The following MYO3B variants were observed in gnomAD, a reference collection of about 807,000 sequenced individuals.
MYO3B encodes the protein myosin-IIIb.
In MYO3B, 156 loss-of-function variants were observed where a neutral mutation model predicts 174.6. That is an observed-to-expected ratio of 0.89 (90% CI 0.78 to 1.02). MYO3B has a LOEUF of 1.02. Among genes scored for constraint, MYO3B ranks in the 50% least tolerant of loss-of-function variants. The probability of loss-of-function intolerance (pLI) is 0.00; values close to 1 mark genes in which losing one functional copy is unlikely to be tolerated. For missense variants in MYO3B, 1,632 were observed against 1,639.4 expected (o/e 1.00, Z 0.08); for synonymous variants, 563 against 569.1 (o/e 0.99, Z 0.15).
intron 25 of MYO3B, among the ~76,000 whole-genome samples, chr2:170,483,502 T>C (rs1685834680): frequency 7.4e-6 from 1 of 135,118 alleles, no homozygotes; most frequent in Non-Finnish European, 1.5e-5. Flanking sequence ...TTCTCCTGCC[T>C]CAGCCTCCCG....
chr2:170,572,440 A>AT (rs1559126795), intron 32 of MYO3B, among the ~76,000 whole-genome samples: 1 of 150,834 alleles, frequency 6.6e-6, no homozygotes, highest in Non-Finnish European at 1.5e-5. Flanking sequence ...AAAAAAAAAA[A>AT]CCCATCTCTA....
intron 7 of MYO3B, among the ~76,000 whole-genome samples, chr2:170,301,054 C>T (rs1401526896): frequency 6.6e-6 from 1 of 152,158 alleles, no homozygotes; most frequent in Admixed American, 6.6e-5. Context: ...GAAGGCATCC[C>T]AGCCCAGGAT....
chr2:170,251,186 T>A (rs1246909201), intron 7 of MYO3B, among the ~76,000 whole-genome samples: 1 of 152,100 alleles, frequency 6.6e-6, no homozygotes, highest in African/African-American at 2.4e-5. Flanking sequence ...ACATTTACTG[T>A]CTTATACAGT....
intron 7 of MYO3B, among the ~76,000 whole-genome samples, chr2:170,284,897 A>T (rs1002702061): frequency 6.6e-6 from 1 of 152,228 alleles, no homozygotes; most frequent in South Asian, 2.1e-4. Context: ...TTGCATATGC[A>T]TATATTTATA....
At chr2:170,445,054 G>A (rs557062828) in intron 23 of MYO3B, among the ~76,000 whole-genome samples, 94 of 152,260 alleles carry the variant, frequency 6.2e-4, no homozygotes, top group Middle Eastern at 3.4e-3. Context: ...GAGGAAATAC[G>A]GGGTCAATAC....
At chr2:170,596,914 T>A (rs1694187783) in intron 32 of MYO3B, among the ~76,000 whole-genome samples, 1 of 152,218 alleles carries the variant, frequency 6.6e-6, no homozygotes, top group Admixed American at 6.5e-5. Context: ...CTTCACCTCT[T>A]CTTGACCCTC....
intron 7 of MYO3B, among the ~76,000 whole-genome samples, chr2:170,286,185 A>G (rs1371774433): frequency 6.6e-6 from 1 of 152,244 alleles, no homozygotes; most frequent in African/African-American, 2.4e-5. Flanking sequence ...AGGATGGGTA[A>G]GCAGAACTTC....
chr2:170,597,676 T>C (rs1030460272), intron 32 of MYO3B, among the ~76,000 whole-genome samples: 24 of 152,212 alleles, frequency 1.6e-4, no homozygotes, highest in Admixed American at 5.2e-4. Flanking sequence ...CAGTTTCTGA[T>C]GACTACAGTC....
At chr2:170,312,039 C>T (rs1157794376) in intron 7 of MYO3B, among the ~76,000 whole-genome samples, 1 of 152,118 alleles carries the variant, frequency 6.6e-6, no homozygotes, top group African/African-American at 2.4e-5. Flanking sequence ...AGTGTGAGTG[C>T]TCTTTTCTTA....
At position 170,199,251 on chromosome 2, in the gene MYO3B, G is replaced by A; in HGVS notation, c.46G>A (p.Gly16Arg). 3.7e-6 allele frequency: 6 copies of A among 1,613,338 alleles called. 1 individual carries two copies. In the South Asian group the frequency reaches 4.4e-5, roughly 12 times the overall value. ...ATTTCACTATAATCCTATGATGCTT[G>A]GACTTGAATCACTTCCAGATCCCAC... Reference protein sequence around the residue: ...GLFHYNPMMLGLESLPDPTDT... With the variant: ...GLFHYNPMMLRLESLPDPTDT... The change falls in exon 2 of 35, where the codon GGA becomes AGA. Residue 16 changes from glycine (G) to arginine (R), a missense_variant. Transcript: ENST00000408978.
At chr2:170,623,688 A>G (rs865944204) in intron 32 of MYO3B, among the ~76,000 whole-genome samples, 2 of 152,304 alleles carry the variant, frequency 1.3e-5, no homozygotes, top group Middle Eastern at 3.4e-3. Context: ...GTTTTCTTCT[A>G]GAGTTTTTAT....
intron 30 of MYO3B, among the ~76,000 whole-genome samples, chr2:170,529,387 C>T (rs1263789608): frequency 6.6e-6 from 1 of 151,950 alleles, no homozygotes; most frequent in African/African-American, 2.4e-5. Context: ...TTTCAGTCTC[C>T]CTTAGACCTC....
At chr2:170,524,562 C>T in intron 30 of MYO3B, 2 of 433,602 alleles carry the variant, frequency 4.6e-6, no homozygotes, top group Non-Finnish European at 9.2e-6. Context: ...CAGCTGACTG[C>T]AACCTCCGCC....
chr2:170,637,029 A>G (rs1449466596), intron 32 of MYO3B, among the ~76,000 whole-genome samples: 4 of 151,758 alleles, frequency 2.6e-5, no homozygotes, highest in Non-Finnish European at 4.4e-5. Flanking sequence ...TATCACTTGT[A>G]TAACACAGGA....
chr2:170,640,221 CATG>C (rs1172856448), intron 32 of MYO3B, among the ~76,000 whole-genome samples: 1 of 152,176 alleles, frequency 6.6e-6, no homozygotes, highest in Non-Finnish European at 1.5e-5. Flanking sequence ...GGGGTGAGGT[CATG>C]ATATCTGTAT....
intron 3 of MYO3B, among the ~76,000 whole-genome samples, chr2:170,210,161 T>G (rs951123348): frequency 2.6e-5 from 4 of 152,226 alleles, no homozygotes; most frequent in Non-Finnish European, 4.4e-5. Context: ...GATTAGTGCC[T>G]TAAGAGTACC....
chr2:170,513,191 CA>C, intron 28 of MYO3B, among the ~76,000 whole-genome samples: 1 of 152,306 alleles, frequency 6.6e-6, no homozygotes, highest in Non-Finnish European at 1.5e-5. Context: ...TGCCACTCCC[CA>C]ACCCCAAAAT....
At chr2:170,650,164 C>A (rs1698897343) in intron 32 of MYO3B, among the ~76,000 whole-genome samples, 1 of 151,098 alleles carries the variant, frequency 6.6e-6, no homozygotes, top group Non-Finnish European at 1.5e-5. Context: ...TCTCAAGCAG[C>A]TGGGACTACA....
At chr2:170,566,854 A>C (rs1692106471) in intron 32 of MYO3B, among the ~76,000 whole-genome samples, 1 of 152,298 alleles carries the variant, frequency 6.6e-6, no homozygotes, top group East Asian at 1.9e-4. Context: ...AGATTAGTAG[A>C]GTGCATGAAT....
Sources: allele counts gnomAD v4.1 joint callset (sites outside exome capture counted in the v4.1 genomes callset), GRCh38; gene constraint gnomAD v4.1.1; transcripts MANE v1.5; gene names NCBI Gene and HGNC (gene_info 2026-07-23, HGNC 2026-07-21).